The following SLC38A6 variants were observed in gnomAD, a reference collection of about 807,000 sequenced individuals.
SLC38A6 encodes the protein N system amino acid transporter NAT-1.
In SLC38A6, 73 loss-of-function variants were observed where a neutral mutation model predicts 65.0. The ratio of observed to expected loss-of-function variants is 1.12; its 90% CI spans 0.93 to 1.37. The LOEUF is 1.37. Ranked by LOEUF, SLC38A6 falls within the 40% of genes most tolerant of loss-of-function variation. The pLI is 0.00. For synonymous variants in SLC38A6, 183 were observed against 178.8 expected (o/e 1.02, Z -0.19); for missense variants, 561 against 531.1 (o/e 1.06, Z -0.55).
intron 15 of SLC38A6, among the ~76,000 whole-genome samples, chr14:61,069,171 T>C (rs1206826162): frequency 6.6e-6 from 1 of 152,174 alleles, no homozygotes; most frequent in Non-Finnish European, 1.5e-5. Flanking sequence ...CCCAGATGAC[T>C]CCAATGCACA....
chr14:61,042,555 T>C lies in SLC38A6; in HGVS notation c.625-592T>C, dbSNP rs554390847. ...ATCCCTCTGGATTTCTTTTAATGTT[T>C]TTTTTGTTTGTTTGTTTGTTTTTAC... On this transcript the variant is annotated intron_variant, in intron 8 of 15. Coordinates refer to ENST00000267488, the MANE Select transcript of SLC38A6 (RefSeq NM_153811.3). 1.4e-4 allele frequency among the ~76,000 whole-genome samples: 21 copies of C among 152,332 alleles called. No individual in the cohort carries two copies. In the South Asian group the frequency reaches 4.3e-3, roughly 32 times the overall value.
chr14:61,010,578 T>C (rs1258163780), intron 3 of SLC38A6, among the ~76,000 whole-genome samples: 2 of 152,236 alleles, frequency 1.3e-5, no homozygotes, highest in African/African-American at 2.4e-5. Context: ...AAGGAAGGGA[T>C]CCAAGTTCAC....
intron 15 of SLC38A6, among the ~76,000 whole-genome samples, chr14:61,065,675 C>T (rs1566726609): frequency 6.6e-6 from 1 of 152,206 alleles, no homozygotes; most frequent in African/African-American, 2.4e-5. Context: ...GGAAGTGCTA[C>T]AGCCATTTGA....
chr14:61,043,182 G>A lies in SLC38A6; in HGVS notation c.660G>A (p.Leu220=). Residue 220 remains leucine (L), a synonymous_variant, in exon 9 of 16, where the codon CTG becomes CTA. Coordinates refer to ENST00000267488, the MANE Select transcript of SLC38A6 (RefSeq NM_153811.3). ...IIKKWSIPCP[L]TLNYVEKGFQ... is the part of the protein sequence containing the mutation. The stretch of plus-strand genomic sequence containing the variant: ...AAAAATGGTCCATCCCTTGTCCTCT[G>A]ACATTAAATTATGTAGAGAAAGGTT... 6.5e-7 allele frequency: 1 copy of A among 1,544,340 alleles called. No homozygotes were observed. Among genetic ancestry groups the A allele is most frequent in the Non-Finnish European group, 8.8e-7 (1 of 1,130,858 alleles).
At chr14:60,992,548 T>C (rs1292320658) in intron 3 of SLC38A6, among the ~76,000 whole-genome samples, 2 of 152,016 alleles carry the variant, frequency 1.3e-5, no homozygotes, top group South Asian at 2.1e-4. Context: ...AGTTCAAAAG[T>C]GGGGAAGAAA....
chr14:61,019,169 G>A lies in SLC38A6; in HGVS notation c.364-372G>A, dbSNP rs1284026094. 2.0e-5 allele frequency among the ~76,000 whole-genome samples: 3 copies of A among 152,110 alleles called. 1 individual carries two copies. Among genetic ancestry groups the A allele is most frequent in the East Asian group, 3.9e-4 (2 of 5,178 alleles). ...TAGCATTGGCATAGCACACCCAGCC[G>A]GTCTTTTTCTACTTATTTAAGCAGT... On this transcript the variant is annotated intron_variant, in intron 4 of 15. Transcript: ENST00000267488.
At position 61,037,052 on chromosome 14, in the gene SLC38A6, A is replaced by G. The variant is rs368168399; in HGVS notation, c.483-7A>G. ...CCATGCCTAAAGTAGAACTTTTTTT[A>G]TAATAGATATTGGTATCTTGATGGA... On this transcript the variant is annotated splice_polypyrimidine_tract_variant and splice_region_variant and intron_variant, in intron 6 of 15. Coordinates refer to ENST00000267488, the MANE Select transcript of SLC38A6 (RefSeq NM_153811.3). 8.1e-6 allele frequency: 13 copies of G among 1,600,426 alleles called. No homozygotes were observed. The highest frequency in any genetic ancestry group is 2.2e-5 in the East Asian group (1 of 44,460).
chr14:61,066,155 A>T (rs2043011948), intron 15 of SLC38A6, among the ~76,000 whole-genome samples: 2 of 152,186 alleles, frequency 1.3e-5, no homozygotes, highest in Non-Finnish European at 2.9e-5. Context: ...TTTGTTTTTT[A>T]AAAAACTCAA....
chr14:61,076,626 G>A (rs1245920504), intron 15 of SLC38A6, among the ~76,000 whole-genome samples: 1 of 152,146 alleles, frequency 6.6e-6, no homozygotes, highest in Non-Finnish European at 1.5e-5. Context: ...CTACAAAAAG[G>A]TTCTGCTCAT....
At chr14:61,007,820 A>G (rs2039262802) in intron 3 of SLC38A6, among the ~76,000 whole-genome samples, 1 of 152,172 alleles carries the variant, frequency 6.6e-6, no homozygotes, top group African/African-American at 2.4e-5. Flanking sequence ...TTTAAAATAT[A>G]TATACCAAGG....
intron 15 of SLC38A6, among the ~76,000 whole-genome samples, chr14:61,065,907 G>T (rs1331091617): frequency 6.6e-6 from 1 of 152,128 alleles, no homozygotes; most frequent in East Asian, 1.9e-4. Flanking sequence ...TGGCTGTAGT[G>T]CTGACACTGC....
intron 8 of SLC38A6, among the ~76,000 whole-genome samples, chr14:61,038,761 T>C (rs1472797454): frequency 6.6e-6 from 1 of 152,204 alleles, no homozygotes; most frequent in Non-Finnish European, 1.5e-5. Context: ...TATTGAATGC[T>C]CTTAAAACTA....
intron 15 of SLC38A6, among the ~76,000 whole-genome samples, chr14:61,064,624 A>T (rs1423521646): frequency 6.7e-6 from 1 of 149,646 alleles, no homozygotes; most frequent in African/African-American, 2.5e-5. Context: ...GAGGTTAATA[A>T]GATGGCTGGT....
rs752011719 is a variant in SLC38A6 at position 61,043,466 on chromosome 14, A to G, written c.707A>G (p.Asp236Gly). 4 of 1,608,186 alleles carry G rather than the reference A, an allele frequency of 2.5e-6. No homozygotes were observed. The highest frequency in any genetic ancestry group is 1.1e-5 in the South Asian group (1 of 89,682). The change falls in exon 10 of 16, where the codon GAT becomes GGT. Residue 236 changes from aspartate (D) to glycine (G), a missense_variant. Coordinates refer to ENST00000267488, the MANE Select transcript of SLC38A6 (RefSeq NM_153811.3). ...EKGFQISNVT[D>G]DCKPKLFHFS... ...CTTAAACAGATTTCAAATGTTACAG[A>G]TGATTGTAAGCCAAAGCTCTTTCAT...
At chr14:61,006,583 A>G (rs1490418190) in intron 3 of SLC38A6, among the ~76,000 whole-genome samples, 2 of 152,262 alleles carry the variant, frequency 1.3e-5, no homozygotes, top group Non-Finnish European at 2.9e-5. Flanking sequence ...AATGCTCACC[A>G]TCACTGGCCA....
chr14:61,068,256 A>G (rs1217181422), intron 15 of SLC38A6, among the ~76,000 whole-genome samples: 3 of 151,994 alleles, frequency 2.0e-5, no homozygotes, highest in Non-Finnish European at 2.9e-5. Context: ...CAACATCCCA[A>G]CTGGCTTTCT....
chr14:61,032,881 A>G (rs1189067818), intron 6 of SLC38A6, among the ~76,000 whole-genome samples: 1 of 151,936 alleles, frequency 6.6e-6, no homozygotes, highest in Non-Finnish European at 1.5e-5. Context: ...ATAAATTTTA[A>G]TTAAGATCTT....
intron 3 of SLC38A6, among the ~76,000 whole-genome samples, chr14:60,992,849 A>G (rs2038009232): frequency 6.8e-6 from 1 of 146,404 alleles, no homozygotes; most frequent in African/African-American, 2.5e-5. Context: ...CCTGCCTCCA[A>G]ACTTTTTTTT....
chr14:61,059,377 A>G (rs1380180229), intron 15 of SLC38A6, among the ~76,000 whole-genome samples: 8 of 706 alleles, frequency 0.011, no homozygotes, highest in African/African-American at 0.063. Flanking sequence ...TCCTTCACTT[A>G]TGAAGCTTAG....
Sources: allele counts gnomAD v4.1 joint callset (sites outside exome capture counted in the v4.1 genomes callset), GRCh38; gene constraint gnomAD v4.1.1; transcripts MANE v1.5; gene names NCBI Gene and HGNC (gene_info 2026-07-23, HGNC 2026-07-21).